OVCH1: variants seen among roughly 807,000 people sequenced by gnomAD.
OVCH1 encodes ovochymase-1.
OVCH1 carries 139 observed loss-of-function variants against 138.4 expected under a neutral mutation model. That is an observed-to-expected ratio of 1.00 (90% CI 0.87 to 1.16). The LOEUF (loss-of-function observed/expected upper bound fraction) is 1.16. OVCH1 is among the 50% of genes most tolerant of loss of function. The pLI is 0.00. For synonymous variants in OVCH1, 453 were observed against 467.8 expected (o/e 0.97, Z 0.41); for missense variants, 1,367 against 1,357.9 (o/e 1.01, Z -0.11).
chr12:29,479,574 T>C lies in OVCH1; in HGVS notation c.996-666A>G, dbSNP rs183038032. 2.2e-4 allele frequency among the ~76,000 whole-genome samples: 34 copies of C among 152,304 alleles called. No homozygotes were observed. The East Asian group carries it at 5.0e-3, about 22-fold the overall frequency. ...CAAGAAAATAAATCCTAGTGGGCCA[T>C]AAATCCTAGCTTCTTCCATGTCTCA... On this transcript the variant is annotated intron_variant, in intron 8 of 27. Transcript: ENST00000318184.
chr12:29,433,513 G>A (rs1327247543), intron 27 of OVCH1, among the ~76,000 whole-genome samples: 1 of 152,146 alleles, frequency 6.6e-6, no homozygotes, highest in African/African-American at 2.4e-5. Context: ...ATAGCAGTAT[G>A]AAAATGGACT....
intron 3 of OVCH1, among the ~76,000 whole-genome samples, chr12:29,420,940 TTA>T (rs1941095000): frequency 1.3e-5 from 2 of 152,220 alleles, no homozygotes; most frequent in Non-Finnish European, 2.9e-5. Context: ...AGCATAAACT[TTA>T]ATGTTTCTTG....
chr12:29,479,180 C>A (rs1942843885), intron 8 of OVCH1, among the ~76,000 whole-genome samples: 1 of 152,040 alleles, frequency 6.6e-6, no homozygotes, highest in Non-Finnish European at 1.5e-5. Flanking sequence ...TGGAGAATGA[C>A]CAGAAACCAC....
At chr12:29,485,582 G>GGCTAACACGGT (rs1485824050) in intron 8 of OVCH1, among the ~76,000 whole-genome samples, 1 of 152,048 alleles carries the variant, frequency 6.6e-6, no homozygotes, top group East Asian at 1.9e-4. Context: ...AGACCATCCT[G>GGCTAACACGGT]GCTAACACGG....
intron 8 of OVCH1, among the ~76,000 whole-genome samples, chr12:29,481,759 C>T (rs1207412344): frequency 6.6e-6 from 1 of 152,186 alleles, no homozygotes. Context: ...TCTCTTGACC[C>T]TACTGTCTAA....
At chr12:29,411,252 T>C (rs1940951243), downstream of OVCH1, among the ~76,000 whole-genome samples, 1 of 139,592 alleles carries the variant, frequency 7.2e-6, no homozygotes, top group African/African-American at 2.5e-5. Flanking sequence ...TTGGTTTGAA[T>C]TTCCTCCTGT....
At chr12:29,415,513 G>A (rs991635624) in intron 3 of OVCH1, among the ~76,000 whole-genome samples, 2 of 152,098 alleles carry the variant, frequency 1.3e-5, no homozygotes, top group Non-Finnish European at 2.9e-5. Flanking sequence ...ACACAAAGAA[G>A]TCAATCACAT....
chr12:29,414,516 T>C (rs1175543544), intron 3 of OVCH1, among the ~76,000 whole-genome samples: 1 of 152,226 alleles, frequency 6.6e-6, no homozygotes, highest in Non-Finnish European at 1.5e-5. Context: ...CCATTATTCC[T>C]GGAAAGTAGA....
intron 22 of OVCH1, among the ~76,000 whole-genome samples, chr12:29,447,700 CT>C (rs1211018963): frequency 7.2e-5 from 11 of 152,126 alleles, no homozygotes; most frequent in Admixed American, 6.6e-4. Context: ...GATGATGCTG[CT>C]TTCATTTTAG....
At chr12:29,464,606 A>G (rs778269941) in exon 18 of OVCH1, 2 of 1,613,614 alleles carry the variant, frequency 1.2e-6, no homozygotes, top group Non-Finnish European at 1.7e-6. Flanking sequence ...ACCGAGTTGT[A>G]CTCCAGAGGA....
chr12:29,457,740 C>T (rs947613279), intron 19 of OVCH1, among the ~76,000 whole-genome samples: 6 of 152,112 alleles, frequency 3.9e-5, no homozygotes, highest in East Asian at 1.9e-4. Context: ...TATTCAATGC[C>T]TACTGTGAGC....
chr12:29,483,446 GAAAT>G (rs1051687688), intron 8 of OVCH1, among the ~76,000 whole-genome samples: 2 of 152,128 alleles, frequency 1.3e-5, no homozygotes, highest in Non-Finnish European at 2.9e-5. Context: ...ATCTGTACTT[GAAAT>G]AAATATTTAT....
chr12:29,475,161 A>C (rs763924183), exon 14 of OVCH1: 4 of 1,510,174 alleles, frequency 2.6e-6, no homozygotes, highest in Non-Finnish European at 2.7e-6. Flanking sequence ...TGAATATTGA[A>C]GTGATGGTCA....
Position 29,444,404 on chromosome 12 carries a change from T to A in OVCH1, c.2882-124A>T, listed in dbSNP as rs183401836. The A allele has an allele frequency of 1.9e-4, 207 of 1,071,772 alleles. 2 individuals are homozygous for A. In the Admixed American group the frequency reaches 5.6e-3, roughly 29 times the overall value. The allele number at this position is 1,071,772 out of a possible 1,614,324, so 66.4% of individuals were successfully genotyped here. ...TTGTCCTGGGAAAACAAGTAATTATTAGGAGGTGGTTGGTTTCACTGAAAA... is the reference window on the plus strand; with the variant it reads ...TTGTCCTGGGAAAACAAGTAATTATAAGGAGGTGGTTGGTTTCACTGAAAA... On this transcript the variant is annotated intron_variant, in intron 23 of 27. Coordinates refer to ENST00000318184, the Ensembl canonical transcript of OVCH1.
chr12:29,487,350 G>C (rs1489184335), intron 7 of OVCH1: 1 of 183,928 alleles, frequency 5.4e-6, no homozygotes, highest in African/African-American at 2.4e-5. Context: ...TGGGAGATGA[G>C]TGATTTATTT....
intron 1 of OVCH1, among the ~76,000 whole-genome samples, 200 bp from the exon 2 acceptor site, chr12:29,496,874 G>C (rs115657452): frequency 0.016 from 2,418 of 152,286 alleles, 20 homozygotes; most frequent in Middle Eastern, 0.034. Flanking sequence ...CCTCCTGTCT[G>C]CTCCCTTTCA....
At chr12:29,492,099 G>GGA (rs1397585898) in intron 4 of OVCH1, among the ~76,000 whole-genome samples, 1 of 152,122 alleles carries the variant, frequency 6.6e-6, no homozygotes, top group Non-Finnish European at 1.5e-5. Flanking sequence ...AGATAAGTCT[G>GGA]GAGATTAGGG....
At chr12:29,435,650 G>C (rs192868939) in intron 26 of OVCH1, among the ~76,000 whole-genome samples, 1 of 152,080 alleles carries the variant, frequency 6.6e-6, no homozygotes, top group Non-Finnish European at 1.5e-5. Flanking sequence ...TACCGCACCC[G>C]GAGGCCCCGT....
chr12:29,426,081 T>C (rs1048892784), downstream of OVCH1: 4 of 152,256 alleles, frequency 2.6e-5, no homozygotes, highest in African/African-American at 9.6e-5. Context: ...TGATTCCCTT[T>C]ATCTTTTAAT....
Sources: gnomAD v4.1 joint callset for allele counts (sites outside exome capture counted in the v4.1 genomes callset) on GRCh38, gnomAD v4.1.1 for gene constraint, MANE v1.5 for transcripts, NCBI Gene and HGNC (gene_info 2026-07-23, HGNC 2026-07-21) for gene names.